The following ASTN2 variants were observed in gnomAD, a reference collection of about 807,000 sequenced individuals.
ASTN2 encodes the protein astrotactin-2.
A neutral mutation model predicts 139.8 loss-of-function variants in ASTN2; 54 were observed. That is an observed-to-expected ratio of 0.39 (90% CI 0.31 to 0.48). ASTN2 has a LOEUF of 0.48. Ranked by LOEUF, ASTN2 falls within the 20% of genes least tolerant of loss-of-function variation. The pLI is 0.95. For synonymous variants in ASTN2, 756 were observed against 719.5 expected (o/e 1.05, Z -0.81); for missense variants, 1,565 against 1,725.1 (o/e 0.91, Z 1.64).
At chr9:116,712,158 T>C (rs1828180973) in intron 16 of ASTN2, among the ~76,000 whole-genome samples, 1 of 152,190 alleles carries the variant, frequency 6.6e-6, no homozygotes, top group Non-Finnish European at 1.5e-5. Context: ...CAATTTCTTT[T>C]TTCTTATCTC....
At chr9:116,470,265 A>C (rs972954487) in intron 20 of ASTN2, among the ~76,000 whole-genome samples, 1 of 152,212 alleles carries the variant, frequency 6.6e-6, no homozygotes, top group Non-Finnish European at 1.5e-5. Flanking sequence ...AAGGATGAAT[A>C]GTGTTAACCC....
intron 17 of ASTN2, among the ~76,000 whole-genome samples, chr9:116,648,733 A>C (rs1570205): frequency 0.029 from 4,468 of 152,258 alleles, 204 homozygotes; most frequent in African/African-American, 0.1. Flanking sequence ...CTAATCTACC[A>C]CCAAAAACAC....
intron 4 of ASTN2, among the ~76,000 whole-genome samples, chr9:117,132,704 G>A (rs1350905969): frequency 1.3e-5 from 2 of 152,110 alleles, no homozygotes; most frequent in Non-Finnish European, 2.9e-5. Context: ...TACAACCTGT[G>A]GGTCACCGGG....
At chr9:116,817,225 C>T (rs936278454) in intron 12 of ASTN2, among the ~76,000 whole-genome samples, 3 of 150,994 alleles carry the variant, frequency 2.0e-5, no homozygotes, top group Admixed American at 1.3e-4. Flanking sequence ...ACCCAGGAGG[C>T]GGAGGTTGCA....
intron 17 of ASTN2, among the ~76,000 whole-genome samples, chr9:116,622,682 G>C (rs1856223741): frequency 1.3e-5 from 2 of 152,154 alleles, no homozygotes; most frequent in Admixed American, 1.3e-4. Flanking sequence ...TCCCAAGTAG[G>C]GTTGCCAGAT....
At chr9:116,439,533 A>G (rs966438864) in intron 22 of ASTN2, among the ~76,000 whole-genome samples, 23 of 152,198 alleles carry the variant, frequency 1.5e-4, no homozygotes, top group African/African-American at 5.3e-4. Context: ...TGAATATAAG[A>G]AAGAAATACC....
chr9:116,432,576 C>A (rs145417755), intron 22 of ASTN2, among the ~76,000 whole-genome samples: 3 of 152,290 alleles, frequency 2.0e-5, no homozygotes, highest in Admixed American at 6.5e-5. Context: ...ATATTTCCCA[C>A]CTGCTTCTTG....
intron 7 of ASTN2, among the ~76,000 whole-genome samples, chr9:116,989,354 A>G (rs1459295403): frequency 6.6e-6 from 1 of 152,130 alleles, no homozygotes; most frequent in Non-Finnish European, 1.5e-5. Flanking sequence ...AATTTGAGAA[A>G]AAAGAAGAGA....
chr9:117,029,049 G>C (rs1385302235), intron 6 of ASTN2, among the ~76,000 whole-genome samples: 1 of 152,104 alleles, frequency 6.6e-6, no homozygotes, highest in Non-Finnish European at 1.5e-5. Context: ...CACATTCTGT[G>C]GATGTTGATT....
chr9:117,181,387 G>A (rs1035930119), intron 3 of ASTN2, among the ~76,000 whole-genome samples: 3 of 152,186 alleles, frequency 2.0e-5, no homozygotes, highest in African/African-American at 7.2e-5. Flanking sequence ...TCATACTGCT[G>A]AAATTGCCTG....
intron 17 of ASTN2, among the ~76,000 whole-genome samples, chr9:116,623,470 C>G (rs1856279710): frequency 6.6e-6 from 1 of 152,070 alleles, no homozygotes; most frequent in Non-Finnish European, 1.5e-5. Flanking sequence ...GAAGCCAGCA[C>G]TGTGTCAATG....
intron 2 of ASTN2, among the ~76,000 whole-genome samples, chr9:117,276,168 A>T (rs766148603): frequency 8.5e-5 from 13 of 152,212 alleles, no homozygotes; most frequent in Middle Eastern, 3.2e-3. Flanking sequence ...CCAAGTCTGT[A>T]CTTAACATGG....
Position 116,547,895 on chromosome 9 carries a change from C to T in ASTN2, c.3356-60395G>A, listed in dbSNP as rs368719583. Among the ~76,000 whole-genome samples, 29 of 152,184 alleles carry T rather than the reference C, an allele frequency of 1.9e-4. 2 individuals carry two copies. The highest frequency in any genetic ancestry group is 6.5e-4 in the African/African-American group (27 of 41,544). Reference sequence around the variant, plus strand: ...CCTCCCCTCCAGGCATCAGCCTCTGCGTGGGGTGCATTCTCAGGCAGGCTG... The same window carrying T: ...CCTCCCCTCCAGGCATCAGCCTCTGTGTGGGGTGCATTCTCAGGCAGGCTG... On this transcript the variant is annotated intron_variant, in intron 19 of 22. Coordinates refer to ENST00000313400, the MANE Select transcript of ASTN2 (RefSeq NM_001365068.1).
chr9:116,587,936 T>C (rs1854224887), intron 19 of ASTN2, among the ~76,000 whole-genome samples: 2 of 152,194 alleles, frequency 1.3e-5, no homozygotes, highest in African/African-American at 4.8e-5. Context: ...TGTACTTCCA[T>C]GTAGAGAAGA....
intron 19 of ASTN2, among the ~76,000 whole-genome samples, chr9:116,557,285 T>C (rs938629056): frequency 7.1e-6 from 1 of 140,536 alleles, no homozygotes; most frequent in Non-Finnish European, 1.6e-5. Context: ...TGGTTAAAAG[T>C]ACAGAATTTT....
intron 4 of ASTN2, among the ~76,000 whole-genome samples, chr9:117,127,932 G>A (rs867120802): frequency 1.3e-5 from 2 of 151,858 alleles, no homozygotes; most frequent in Non-Finnish European, 2.9e-5. Flanking sequence ...CACCCGCCTC[G>A]GCCTCCCAAA....
chr9:116,434,322 T>C (rs1307845462), intron 22 of ASTN2, among the ~76,000 whole-genome samples: 2 of 152,226 alleles, frequency 1.3e-5, no homozygotes, highest in African/African-American at 4.8e-5. Flanking sequence ...AAGTCTGCTC[T>C]TGTTCCCAAT....
intron 2 of ASTN2, among the ~76,000 whole-genome samples, chr9:117,225,543 A>ATGTG (rs1259288731): frequency 4.4e-5 from 3 of 68,704 alleles, no homozygotes; most frequent in East Asian, 1.5e-3. Flanking sequence ...ATGTATATAT[A>ATGTG]TATATATATA....
chr9:117,339,502 C>CA (rs1326840309), intron 1 of ASTN2, among the ~76,000 whole-genome samples: 2 of 150,912 alleles, frequency 1.3e-5, no homozygotes, highest in African/African-American at 2.4e-5. Flanking sequence ...TTACAAAAGC[C>CA]AAAAAAAAGG....
Sources: allele counts gnomAD v4.1 joint callset (sites outside exome capture counted in the v4.1 genomes callset), GRCh38; gene constraint gnomAD v4.1.1; transcripts MANE v1.5; gene names NCBI Gene and HGNC (gene_info 2026-07-23, HGNC 2026-07-21).